The following LTN1 variants were observed in gnomAD, a reference collection of about 807,000 sequenced individuals.
The protein encoded by LTN1 is E3 ubiquitin-protein ligase listerin.
LTN1 carries 88 observed loss-of-function variants against 201.2 expected under a neutral mutation model. The ratio of observed to expected loss-of-function variants is 0.44; its 90% CI spans 0.37 to 0.52. The LOEUF (loss-of-function observed/expected upper bound fraction) is 0.52. LTN1 is among the 20% of genes least tolerant of loss of function. LTN1 has a pLI of 0.00. For synonymous variants in LTN1, 645 were observed against 713.5 expected (o/e 0.90, Z 1.53); for missense variants, 1,752 against 2,038.7 (o/e 0.86, Z 2.71).
Position 28,981,287 on chromosome 21 carries a change from C to T in LTN1, c.642G>A (p.Glu214=), listed in dbSNP as rs767831024. The part of the protein sequence containing the change: ...DTLSDPQTVP[E]EEREAKFYRV... Reference sequence around the variant, plus strand: ...GGTAGAATTTAGCTTCTCTTTCTTCCTCTGGAACAGTTCTTGATATAAAAC... The same window carrying T: ...GGTAGAATTTAGCTTCTCTTTCTTCTTCTGGAACAGTTCTTGATATAAAAC... The change falls in exon 6 of 30, where the codon GAG becomes GAA. Residue 214 remains glutamate (E), a synonymous_variant. Coordinates refer to ENST00000361371, the MANE Select transcript of LTN1 (RefSeq NM_015565.3). 2.6e-6 allele frequency: 4 copies of T among 1,540,658 alleles called. No homozygotes were observed. The highest frequency in any genetic ancestry group is 3.5e-6 in the Non-Finnish European group (4 of 1,151,970).
chr21:28,935,634 A>C (rs745568086), intron 26 of LTN1, among the ~76,000 whole-genome samples: 35 of 152,026 alleles, frequency 2.3e-4, no homozygotes, highest in Non-Finnish European at 3.5e-4. Flanking sequence ...AGATCAGGAG[A>C]TCAAGACCAT....
intron 15 of LTN1, 118 bp from the exon 16 acceptor site, chr21:28,957,066 T>C: frequency 1.4e-6 from 1 of 725,442 alleles, no homozygotes; most frequent in Non-Finnish European, 2.2e-6. Flanking sequence ...AAGTTTGTTT[T>C]CTTTTACAGG....
intron 18 of LTN1, among the ~76,000 whole-genome samples, chr21:28,950,032 GTC>G (rs1333950438): frequency 1.3e-5 from 2 of 152,034 alleles, no homozygotes; most frequent in African/African-American, 4.8e-5. Context: ...TTGGCATGCA[GTC>G]TCTTTCACTT....
chr21:28,928,459 T>C lies in LTN1; in HGVS notation c.*1989A>G, dbSNP rs2084186008. The C allele has an allele frequency of 6.6e-6, 1 of 152,228 alleles. No individual in the cohort carries two copies. Among genetic ancestry groups the C allele is most frequent in the African/African-American group, 2.4e-5 (1 of 41,466 alleles). 9.4% of individuals were successfully genotyped at this position (152,228 alleles called of 1,614,324 possible). On this transcript the variant is annotated 3_prime_UTR_variant, in exon 30 of 30. Transcript: ENST00000361371. ...AATTTACTTTGGGGTTTTAAATTAA[T>C]AATTTTGCTAATCTCATGCAATTTT...
intron 1 of LTN1, among the ~76,000 whole-genome samples, chr21:28,987,734 A>G (rs1480885987): frequency 6.6e-6 from 1 of 152,216 alleles, no homozygotes; most frequent in African/African-American, 2.4e-5. Context: ...ATTGTTATCT[A>G]AACAGAAAAT....
chr21:28,945,695 T>C, intron 21 of LTN1, 112 bp downstream of exon 21: 1 of 970,306 alleles, frequency 1.0e-6, no homozygotes, highest in Non-Finnish European at 1.5e-6. Flanking sequence ...TTTTAAATTA[T>C]ACAAAGGAAC....
At position 28,933,497 on chromosome 21, in the gene LTN1, G is replaced by A. The variant is rs193098121; in HGVS notation, c.4876-833C>T. On this transcript the variant is annotated intron_variant, in intron 27 of 29. Coordinates refer to ENST00000361371, the MANE Select transcript of LTN1 (RefSeq NM_015565.3). ...TGGCTGAATTGTACCACTTTAGACC[G>A]TTATTTGAGGCCCTTCCCAACATAC... Among the ~76,000 whole-genome samples the A allele has an allele frequency of 1.9e-3, 292 of 152,236 alleles. 5 individuals are homozygous for A. Among genetic ancestry groups the A allele is most frequent in the African/African-American group, 6.3e-3 (260 of 41,546 alleles).
intron 11 of LTN1, among the ~76,000 whole-genome samples, chr21:28,964,380 A>G (rs1297201128): frequency 1.3e-5 from 2 of 152,172 alleles, no homozygotes; most frequent in African/African-American, 4.8e-5. Flanking sequence ...AATGATTACA[A>G]CTCGCTGAAG....
At chr21:28,974,624 G>A (rs1391212166) in intron 6 of LTN1, among the ~76,000 whole-genome samples, 1 of 152,184 alleles carries the variant, frequency 6.6e-6, no homozygotes, top group Non-Finnish European at 1.5e-5. Context: ...TTTCTGGCCA[G>A]AGGAACTAGA....
rs561297875 is a variant in LTN1 at position 28,961,689 on chromosome 21, G to A, written c.2164-983C>T. On this transcript the variant is annotated intron_variant, in intron 11 of 29. Coordinates refer to ENST00000361371, the MANE Select transcript of LTN1 (RefSeq NM_015565.3). ...TGGACAAATCTTTTAATCAGCGTGGGCCTATCTCCTAATTTGAAAGTTGGA... is the reference window on the plus strand; with the variant it reads ...TGGACAAATCTTTTAATCAGCGTGGACCTATCTCCTAATTTGAAAGTTGGA... 3.3e-5 allele frequency among the ~76,000 whole-genome samples: 5 copies of A among 152,280 alleles called. No homozygotes were observed. The South Asian group carries it at 1.0e-3, about 32-fold the overall frequency.
At chr21:28,985,984 GCTCTT>G (rs1236808724) in intron 3 of LTN1, among the ~76,000 whole-genome samples, 150 bp downstream of exon 3, 5 of 151,878 alleles carry the variant, frequency 3.3e-5, no homozygotes, top group Non-Finnish European at 5.9e-5. Context: ...TTATTTCCAC[GCTCTT>G]CTCAAGTGTT....
chr21:28,969,300 G>A (rs1370638461), intron 9 of LTN1, among the ~76,000 whole-genome samples, 166 bp downstream of exon 9: 1 of 152,042 alleles, frequency 6.6e-6, no homozygotes, highest in African/African-American at 2.4e-5. Context: ...TGAGAGTATG[G>A]AATTTTTACT....
At chr21:28,985,103 T>G (rs2084687246) in intron 3 of LTN1, among the ~76,000 whole-genome samples, 181 bp from the exon 4 acceptor site, 1 of 152,168 alleles carries the variant, frequency 6.6e-6, no homozygotes, top group Non-Finnish European at 1.5e-5. Flanking sequence ...GTAAAATAAT[T>G]TATTAATTTT....
chr21:28,934,368 TTGTAATCCCAAA>T (rs1232394384), intron 27 of LTN1, among the ~76,000 whole-genome samples: 1 of 152,168 alleles, frequency 6.6e-6, no homozygotes, highest in African/African-American at 2.4e-5. Context: ...TCATGCTGAA[TTGTAATCCCAAA>T]TGTTGGAAGT....
Position 28,959,596 on chromosome 21 carries a change from A to C in LTN1, c.2455T>G (p.Ser819Ala), listed in dbSNP as rs1568845064. 6.2e-7 allele frequency: 1 copy of C among 1,614,084 alleles called. No homozygotes were observed. Residue 819 changes from serine to alanine, a missense_variant, in exon 13 of 30, where the codon TCA becomes GCA. By Grantham distance (99) the Ser-to-Ala change is moderately conservative (BLOSUM62 1). Coordinates refer to ENST00000361371, the MANE Select transcript of LTN1 (RefSeq NM_015565.3). ...KLSEAESSDS[S>A]VSFICDVAYN... ...GCCACATCACAGATAAAAGACACTG[A>C]TGAGTCACTGCTTTCAGCTTCTGAT...
At chr21:28,964,872 T>C (rs893180981) in intron 11 of LTN1, 5 of 1,380,196 alleles carry the variant, frequency 3.6e-6, no homozygotes, top group Admixed American at 2.9e-5. Flanking sequence ...GCTCTTCATG[T>C]AACTTGGCTA....
At chr21:28,936,074 C>T (rs1381838598) in intron 26 of LTN1, among the ~76,000 whole-genome samples, 1 of 152,170 alleles carries the variant, frequency 6.6e-6, no homozygotes, top group East Asian at 1.9e-4. Flanking sequence ...CAACTCAATA[C>T]TCACAAGATG....
intron 18 of LTN1, among the ~76,000 whole-genome samples, chr21:28,951,017 ACT>A (rs1165247002): frequency 4.6e-5 from 7 of 151,932 alleles, no homozygotes; most frequent in Non-Finnish European, 8.8e-5. Flanking sequence ...ACACACGCAC[ACT>A]CTGTCTCTCA....
intron 18 of LTN1, among the ~76,000 whole-genome samples, chr21:28,950,733 C>T (rs965277763): frequency 2.6e-5 from 4 of 152,116 alleles, no homozygotes; most frequent in African/African-American, 9.7e-5. Flanking sequence ...AGGCTGGTCT[C>T]GAACTCCTGG....
Sources: gnomAD v4.1 joint callset for allele counts (sites outside exome capture counted in the v4.1 genomes callset) on GRCh38, gnomAD v4.1.1 for gene constraint, MANE v1.5 for transcripts, NCBI Gene and HGNC (gene_info 2026-07-23, HGNC 2026-07-21) for gene names.